ABI1: variants seen among roughly 807,000 people sequenced by gnomAD.
ABI1 encodes the protein Abelson interactor 1.
A neutral mutation model predicts 54.6 loss-of-function variants in ABI1; 14 were observed. That is an observed-to-expected ratio of 0.26 (90% CI 0.17 to 0.40). ABI1 has a LOEUF of 0.40. Ranked by LOEUF, ABI1 falls within the 10% of genes least tolerant of loss-of-function variation. The pLI is 1.00. For missense variants in ABI1, 443 were observed against 598.3 expected (o/e 0.74, Z 2.71); for synonymous variants, 194 against 209.3 (o/e 0.93, Z 0.63).
intron 7 of ABI1, chr10:26,763,956 G>A (rs1477766491): frequency 1.2e-5 from 20 of 1,609,830 alleles, no homozygotes; most frequent in African/African-American, 9.4e-5. Context: ...GGACAGAAAT[G>A]TTTTCTAATA....
intron 3 of ABI1, among the ~76,000 whole-genome samples, chr10:26,775,870 G>A (rs535102122): frequency 1.6e-4 from 24 of 152,296 alleles, no homozygotes; most frequent in African/African-American, 5.8e-4. Flanking sequence ...GCAAGTATGT[G>A]TGTGCACATA....
At chr10:26,749,257 T>G (rs1837315892) in intron 10 of ABI1, among the ~76,000 whole-genome samples, 1 of 152,206 alleles carries the variant, frequency 6.6e-6, no homozygotes, top group Non-Finnish European at 1.5e-5. Flanking sequence ...TTACTTACTT[T>G]AAAGGATTTT....
intron 3 of ABI1, among the ~76,000 whole-genome samples, chr10:26,776,437 T>G (rs1039431442): frequency 5.9e-5 from 9 of 152,222 alleles, no homozygotes; most frequent in Non-Finnish European, 1.2e-4. Context: ...AGCGAAAGAA[T>G]TTTGGTCATT....
chr10:26,805,371 T>C (rs2046814920), intron 2 of ABI1, among the ~76,000 whole-genome samples: 2 of 150,752 alleles, frequency 1.3e-5, no homozygotes, highest in African/African-American at 4.9e-5. Context: ...ACTCCCAAAC[T>C]AGCTGTTTAT....
At chr10:26,857,426 A>T (rs2050914497) in intron 1 of ABI1, among the ~76,000 whole-genome samples, 1 of 150,352 alleles carries the variant, frequency 6.7e-6, no homozygotes, top group Non-Finnish European at 1.5e-5. Flanking sequence ...AGACTGCTTG[A>T]GACCAGGAGT....
intron 10 of ABI1, among the ~76,000 whole-genome samples, chr10:26,749,227 G>C (rs1837310519): frequency 6.6e-6 from 1 of 151,564 alleles, no homozygotes; most frequent in Non-Finnish European, 1.5e-5. Context: ...ACTGTCCCCA[G>C]ATTTTTTTTT....
At chr10:26,853,538 T>C (rs1029123969) in intron 1 of ABI1, among the ~76,000 whole-genome samples, 3 of 148,186 alleles carry the variant, frequency 2.0e-5, no homozygotes, top group African/African-American at 7.4e-5. Context: ...ACTTTTTTTT[T>C]TTTTTTTTTT....
intron 2 of ABI1, among the ~76,000 whole-genome samples, chr10:26,797,434 T>C (rs865811788): frequency 8.5e-5 from 13 of 152,334 alleles, no homozygotes; most frequent in South Asian, 6.2e-4. Flanking sequence ...CCGCTTGTCA[T>C]TGTAATCCCT....
At chr10:26,820,288 T>C (rs1017426753) in intron 2 of ABI1, among the ~76,000 whole-genome samples, 3 of 152,140 alleles carry the variant, frequency 2.0e-5, no homozygotes, top group South Asian at 2.1e-4. Context: ...AAACATCACA[T>C]TGTACATCTT....
chr10:26,820,526 A>G (rs1349795511), intron 2 of ABI1, among the ~76,000 whole-genome samples: 1 of 152,126 alleles, frequency 6.6e-6, no homozygotes, highest in Non-Finnish European at 1.5e-5. Context: ...CTTAGAAATT[A>G]TATTCAGCTA....
intron 2 of ABI1, among the ~76,000 whole-genome samples, chr10:26,818,140 CAG>C (rs1263001904): frequency 4.2e-5 from 4 of 94,666 alleles, no homozygotes; most frequent in Non-Finnish European, 7.9e-5. Context: ...GCTTGGGAGA[CAG>C]AGCAAGACTC....
At chr10:26,816,246 T>G (rs2047557041) in intron 2 of ABI1, among the ~76,000 whole-genome samples, 1 of 152,130 alleles carries the variant, frequency 6.6e-6, no homozygotes, top group Non-Finnish European at 1.5e-5. Context: ...TAATGCTAGA[T>G]AGAGGTGAAA....
At chr10:26,825,920 T>C (rs897949537) in intron 1 of ABI1, among the ~76,000 whole-genome samples, 6 of 152,224 alleles carry the variant, frequency 3.9e-5, no homozygotes, top group African/African-American at 1.4e-4. Flanking sequence ...TTAGTTCTCT[T>C]GCTGTTCCCA....
chr10:26,792,204 G>A (rs544541926), intron 2 of ABI1, among the ~76,000 whole-genome samples: 19 of 152,286 alleles, frequency 1.2e-4, no homozygotes, highest in South Asian at 2.1e-4. Flanking sequence ...TAGTTTTAAC[G>A]ATGGATTCAG....
chr10:26,769,014 A>G, intron 5 of ABI1, 22 bp from the exon 6 acceptor site: 2 of 1,538,870 alleles, frequency 1.3e-6, no homozygotes, highest in Non-Finnish European at 1.7e-6. Flanking sequence ...TAGTGGAGAA[A>G]GGAATAATGA....
intron 9 of ABI1, among the ~76,000 whole-genome samples, chr10:26,752,960 C>T (rs1054021154): frequency 3.9e-5 from 6 of 152,092 alleles, no homozygotes; most frequent in East Asian, 3.9e-4. Context: ...TACAAACATA[C>T]TAAATCAAAT....
chr10:26,790,530 C>G (rs1843296653), intron 2 of ABI1: 1 of 151,612 alleles, frequency 6.6e-6, no homozygotes, highest in African/African-American at 2.4e-5. Context: ...GGATATTAGA[C>G]CTTTGTCAGA....
chr10:26,760,761 A>G (rs973653548), intron 7 of ABI1, among the ~76,000 whole-genome samples: 5 of 151,928 alleles, frequency 3.3e-5, no homozygotes, highest in African/African-American at 1.2e-4. Flanking sequence ...ATGGAGGCAT[A>G]TGCCTGTAAT....
chr10:26,784,796 A>T (rs1345582824), intron 2 of ABI1, among the ~76,000 whole-genome samples: 2 of 152,238 alleles, frequency 1.3e-5, no homozygotes, highest in Non-Finnish European at 2.9e-5. Flanking sequence ...GCCTAGAGGC[A>T]TTCAGGACGG....
Sources: gnomAD v4.1 joint callset for allele counts (sites outside exome capture counted in the v4.1 genomes callset) on GRCh38, gnomAD v4.1.1 for gene constraint, MANE v1.5 for transcripts, NCBI Gene and HGNC (gene_info 2026-07-23, HGNC 2026-07-21) for gene names.